The following IGSF5 variants were observed in gnomAD, a reference collection of about 807,000 sequenced individuals.
IGSF5 encodes the protein immunoglobulin superfamily 5 like.
Under a neutral mutation model 39.4 loss-of-function variants are expected in IGSF5, and 41 were observed. That is an observed-to-expected ratio of 1.04 (90% CI 0.81 to 1.35). The LOEUF (loss-of-function observed/expected upper bound fraction) is 1.35, where lower values mean the gene tolerates loss of function less well. IGSF5 is among the 40% of genes most tolerant of loss of function. The pLI is 0.00. For missense variants in IGSF5, 487 were observed against 494.6 expected (o/e 0.98, Z 0.15); for synonymous variants, 183 against 175.3 (o/e 1.04, Z -0.34).
chr21:39,773,969 A>G (rs1383328926), intron 4 of IGSF5, among the ~76,000 whole-genome samples: 1 of 152,142 alleles, frequency 6.6e-6, no homozygotes, highest in African/African-American at 2.4e-5. Context: ...GAAAGAGAGC[A>G]CTTAATTTCC....
chr21:39,719,136 A>T, the IGSF5 span, among the ~76,000 whole-genome samples: 1 of 152,162 alleles, frequency 6.6e-6, no homozygotes, highest in South Asian at 2.1e-4. Flanking sequence ...TTGTGTGCAT[A>T]GAGGTCAAAT....
upstream of IGSF5, among the ~76,000 whole-genome samples, chr21:39,742,219 C>G (rs942431883): frequency 6.6e-6 from 1 of 151,960 alleles, no homozygotes; most frequent in African/African-American, 2.4e-5. Context: ...CCTGCTTTTA[C>G]TAGAATCTCT....
intron 2 of IGSF5, among the ~76,000 whole-genome samples, chr21:39,763,345 C>T (rs916335829): frequency 3.9e-5 from 6 of 152,132 alleles, no homozygotes; most frequent in Non-Finnish European, 8.8e-5. Context: ...ACACAGGTAA[C>T]ACAGTCAGGG....
At chr21:39,767,002 GGT>G (rs1216983962) in intron 3 of IGSF5, among the ~76,000 whole-genome samples, 1 of 152,042 alleles carries the variant, frequency 6.6e-6, no homozygotes, top group African/African-American at 2.4e-5. Context: ...TAGCTAAATT[GGT>G]GTGTCTTACT....
the IGSF5 span, among the ~76,000 whole-genome samples, chr21:39,731,343 A>G: frequency 6.6e-6 from 1 of 152,204 alleles, no homozygotes; most frequent in South Asian, 2.1e-4. Flanking sequence ...GAACCCTGTG[A>G]GTGCGTGGCT....
the IGSF5 span, among the ~76,000 whole-genome samples, chr21:39,714,629 C>T: frequency 8.5e-5 from 13 of 152,250 alleles, no homozygotes; most frequent in African/African-American, 3.1e-4. Flanking sequence ...CTGGTTGCTG[C>T]AGCTGCTGGT....
intron 2 of IGSF5, among the ~76,000 whole-genome samples, chr21:39,758,777 T>A (rs1040688469): frequency 4.6e-5 from 7 of 152,170 alleles, no homozygotes; most frequent in Non-Finnish European, 8.8e-5. Flanking sequence ...TGGTTTTCAT[T>A]AGGTTTGTTT....
At chr21:39,785,528 T>C (rs2080196142) in intron 5 of IGSF5, among the ~76,000 whole-genome samples, 1 of 152,174 alleles carries the variant, frequency 6.6e-6, no homozygotes. Context: ...TAGGATTGAT[T>C]TGGCGATGTG....
rs746351942 is a variant in IGSF5 at position 39,745,496 on chromosome 21, G to A, written c.-14G>A. 3.6e-5 allele frequency: 26 copies of A among 716,096 alleles called. No homozygotes were observed. Among genetic ancestry groups the A allele is most frequent in the African/African-American group, 7.0e-5 (4 of 57,338 alleles). The allele number at this position is 716,096 out of a possible 1,614,324, so 44.4% of individuals were successfully genotyped here. On this transcript the variant is annotated 5_prime_UTR_variant, in exon 1 of 9. Transcript: ENST00000380588. ...CTATACTTTCAAGAAAGTCGTGTTC[G>A]GGACCCAGGAGGTATGGGTCAGAAG...
At chr21:39,798,860 CGTTA>C (rs1330734945) in intron 8 of IGSF5, among the ~76,000 whole-genome samples, 1 of 151,982 alleles carries the variant, frequency 6.6e-6, no homozygotes, top group Admixed American at 6.6e-5. Context: ...TTTTTCAAAC[CGTTA>C]GTTATCCCCT....
the IGSF5 span, among the ~76,000 whole-genome samples, chr21:39,739,270 TGAAA>T: frequency 6.6e-6 from 1 of 151,462 alleles, no homozygotes; most frequent in Non-Finnish European, 1.5e-5. Context: ...TTTTTGCAGT[TGAAA>T]GATTTAATAG....
chr21:39,761,988 G>A (rs917659845), intron 2 of IGSF5, among the ~76,000 whole-genome samples: 1 of 152,192 alleles, frequency 6.6e-6, no homozygotes, highest in East Asian at 1.9e-4. Context: ...CTTTTCAATG[G>A]TGGGTGGCAA....
chr21:39,734,337 C>T, the IGSF5 span, among the ~76,000 whole-genome samples: 8 of 150,724 alleles, frequency 5.3e-5, no homozygotes, highest in Non-Finnish European at 8.9e-5. Flanking sequence ...GCAGGAGAAT[C>T]GCTTGAACCC....
At chr21:39,745,747 C>T (rs960957726) in intron 1 of IGSF5, among the ~76,000 whole-genome samples, 1 of 152,200 alleles carries the variant, frequency 6.6e-6, no homozygotes, top group Admixed American at 6.5e-5. Flanking sequence ...CAGATAGCCT[C>T]ACACCTGAGT....
chr21:39,761,294 G>A (rs2080060498), intron 2 of IGSF5, among the ~76,000 whole-genome samples: 1 of 152,110 alleles, frequency 6.6e-6, no homozygotes, highest in African/African-American at 2.4e-5. Context: ...TTCAAACTAT[G>A]AAAATCCTAG....
intron 5 of IGSF5, 121 bp downstream of exon 5, chr21:39,779,426 A>G (rs1266611820): frequency 1.1e-5 from 14 of 1,265,968 alleles, no homozygotes; most frequent in Admixed American, 2.3e-5. Context: ...CTTTACCTCT[A>G]TTAGAAACTG....
chr21:39,736,823 G>T, the IGSF5 span, among the ~76,000 whole-genome samples: 1 of 152,314 alleles, frequency 6.6e-6, no homozygotes, highest in South Asian at 2.1e-4. Context: ...TGAGGCTGAG[G>T]CCGGGCATCT....
At chr21:39,737,697 C>T in the IGSF5 span, among the ~76,000 whole-genome samples, 2 of 152,220 alleles carry the variant, frequency 1.3e-5, no homozygotes, top group African/African-American at 2.4e-5. Flanking sequence ...CCCCCAGGAA[C>T]CTCCATGTGT....
At chr21:39,770,892 G>A in intron 3 of IGSF5, 24 bp from the exon 4 acceptor site, 3 of 1,431,790 alleles carry the variant, frequency 2.1e-6, no homozygotes, top group South Asian at 3.4e-5. Context: ...TGTCTTCAAT[G>A]TGTTTCTCTC....
Sources: gnomAD v4.1 joint callset for allele counts (sites outside exome capture counted in the v4.1 genomes callset) on GRCh38, gnomAD v4.1.1 for gene constraint, MANE v1.5 for transcripts, NCBI Gene and HGNC (gene_info 2026-07-23, HGNC 2026-07-21) for gene names.